NAPG: variants seen among roughly 807,000 people sequenced by gnomAD.
NAPG encodes NSF attachment protein gamma.
A neutral mutation model predicts 48.4 loss-of-function variants in NAPG; 25 were observed. The ratio of observed to expected loss-of-function variants is 0.52; its 90% CI spans 0.38 to 0.72. The LOEUF is 0.72. NAPG is among the 30% of genes least tolerant of loss of function. The pLI is 0.00. For synonymous variants in NAPG, 139 were observed against 127.2 expected (o/e 1.09, Z -0.62); for missense variants, 359 against 372.5 (o/e 0.96, Z 0.30).
rs2032309757 is a variant in NAPG at position 10,548,285 on chromosome 18, C to T, written c.586-14C>T. The stretch of plus-strand genomic sequence containing the variant: ...CAGATGTAAATTTGACCATGATCCT[C>T]TCTTTTGTTTTAGAAAACAATTGCT... On this transcript the variant is annotated splice_polypyrimidine_tract_variant and intron_variant, in intron 9 of 11. Coordinates refer to ENST00000322897, the MANE Select transcript of NAPG (RefSeq NM_003826.3). This position sits in a 1 kb window ranked among gnomAD's most constrained non-coding sequence, Gnocchi z 4.4. The T allele has an allele frequency of 1.3e-6, 2 of 1,598,854 alleles. No individual in the cohort carries two copies. Among genetic ancestry groups the T allele is most frequent in the Non-Finnish European group, 8.6e-7 (1 of 1,166,442 alleles).
In NAPG at chr18:10,551,218, T is replaced by G. The variant is rs1385773376; in HGVS notation, c.*998T>G. 1 of 152,124 alleles carries G rather than the reference T, an allele frequency of 6.6e-6. No individual in the cohort carries two copies. The highest frequency in any genetic ancestry group is 1.5e-5 in the Non-Finnish European group (1 of 68,014). The allele number at this position is 152,124 out of a possible 1,614,324, so 9.4% of individuals were successfully genotyped here. A position where few individuals can be genotyped will look rare whatever the true frequency, so the allele number is the denominator to read the frequency against. On this transcript the variant is annotated 3_prime_UTR_variant, in exon 12 of 12. Transcript: ENST00000322897. ...TCCCAAAGTGCTGGGATTGTAGACATAAGCCACCTCACCCAGCCTATGAAT... is the reference window on the plus strand; with the variant it reads ...TCCCAAAGTGCTGGGATTGTAGACAGAAGCCACCTCACCCAGCCTATGAAT...
chr18:10,532,056 CAACCCTTG>C lies in NAPG; in HGVS notation c.125-653_125-646del, dbSNP rs369128579. On this transcript the variant is annotated intron_variant, in intron 2 of 11. Transcript: ENST00000322897. ...ATTATGCTTTTTGCTTCTTTGTAAGCAACCCTTGATAAGTTTTCCAAAATTTGTAAGAT... is the reference window on the plus strand; with the variant it reads ...ATTATGCTTTTTGCTTCTTTGTAAGCATAAGTTTTCCAAAATTTGTAAGAT... Among the ~76,000 whole-genome samples the C allele has an allele frequency of 2.6e-3, 399 of 152,236 alleles. 1 individual carries two copies. Among genetic ancestry groups the C allele is most frequent in the African/African-American group, 8.8e-3 (366 of 41,568 alleles).
At chr18:10,527,434 G>C (rs2031842328) in intron 1 of NAPG, among the ~76,000 whole-genome samples, 1 of 152,192 alleles carries the variant, frequency 6.6e-6, no homozygotes, top group Admixed American at 6.5e-5. Context: ...ACTCGAGGCA[G>C]TCAGCGTGTA....
Position 10,539,966 on chromosome 18 carries a change from C to T in NAPG, c.369-22C>T, listed in dbSNP as rs770888654. The T allele has an allele frequency of 2.6e-5, 42 of 1,606,460 alleles. No homozygotes were observed. Among genetic ancestry groups the T allele is most frequent in the Middle Eastern group, 1.7e-4 (1 of 6,038 alleles). On this transcript the variant is annotated intron_variant, in intron 6 of 11. Coordinates refer to ENST00000322897, the MANE Select transcript of NAPG (RefSeq NM_003826.3). This position sits in a 1 kb window ranked among gnomAD's most constrained non-coding sequence, Gnocchi z 4.7. Reference sequence around the variant, plus strand: ...CAAGTTTTCCATTTCTCATATAAGACATGTTTTCTTGTCTGATTCAGGCTT... The same window carrying T: ...CAAGTTTTCCATTTCTCATATAAGATATGTTTTCTTGTCTGATTCAGGCTT...
chr18:10,547,060 C>T (rs565058928), intron 9 of NAPG, among the ~76,000 whole-genome samples: 16 of 152,308 alleles, frequency 1.1e-4, no homozygotes, highest in Admixed American at 2.6e-4. Context: ...CCACACAAGT[C>T]TTGGGTTTAC....
rs377632744 is a variant in NAPG, at chr18:10,550,972, T to TTTTGTTTG, written c.*768_*775dup. ...AGGAGCTAATGGGTAATGAATACCT[T>TTTTGTTTG]TTTGTTTGTTTGTTTGTTTGTTTTG... On this transcript the variant is annotated 3_prime_UTR_variant, in exon 12 of 12. Transcript: ENST00000322897. The TTTTGTTTG allele has an allele frequency of 6.6e-6, 1 of 151,750 alleles. No individual in the cohort carries two copies. Among genetic ancestry groups the TTTTGTTTG allele is most frequent in the Non-Finnish European group, 1.5e-5 (1 of 67,990 alleles). The allele number at this position is 151,750 out of a possible 1,614,324, so 9.4% of individuals were successfully genotyped here.
Position 10,546,102 on chromosome 18 carries a change from CT to C in NAPG, c.507-220del. 6.6e-6 allele frequency among the ~76,000 whole-genome samples: 1 copy of C among 152,280 alleles called. No individual in the cohort carries two copies. The highest frequency in any genetic ancestry group is 2.4e-5 in the African/African-American group (1 of 41,558). ...GTTTGACCTAACCCATCCTTGAGTT[CT>C]TTTGCTTTTTCTGTCAGCGTGCAGC... On this transcript the variant is annotated intron_variant, in intron 8 of 11. Transcript: ENST00000322897. The surrounding 1 kb of genome is among the most constrained non-coding windows in gnomAD (Gnocchi z 4.0).
intron 2 of NAPG, 60 bp from the exon 3 acceptor site, chr18:10,532,651 A>C (rs2031950911): frequency 7.8e-7 from 1 of 1,289,824 alleles, no homozygotes; most frequent in East Asian, 2.5e-5. Context: ...TGCAGATTTC[A>C]GTAATGATTC....
chr18:10,546,393 A>G lies in NAPG; in HGVS notation c.574A>G (p.Thr192Ala), dbSNP rs911177317. The G allele has an allele frequency of 1.9e-6, 3 of 1,542,068 alleles. No individual in the cohort carries two copies. Among genetic ancestry groups the G allele is most frequent in the African/African-American group, 1.4e-5 (1 of 73,104 alleles). ...NIYKEIENYP[T>A]CYKKTIAQVL... ...TTATAAGGAAATTGAGAATTATCCA[A>G]CTTGTTATAAGGTATTCTTTGAAAG... Residue 192 changes from threonine (T) to alanine (A), a missense_variant, in exon 9 of 12, where the codon ACT becomes GCT. Coordinates refer to ENST00000322897, the MANE Select transcript of NAPG (RefSeq NM_003826.3). This position sits in a 1 kb window ranked among gnomAD's most constrained non-coding sequence, Gnocchi z 4.0.
intron 8 of NAPG, among the ~76,000 whole-genome samples, chr18:10,541,482 T>TA (rs533524693): frequency 3.1e-4 from 47 of 152,330 alleles, no homozygotes; most frequent in African/African-American, 1.1e-3. Flanking sequence ...AAGTGTTTGT[T>TA]ACAGCAGCAG....
rs2032264412 is a variant in NAPG at position 10,546,313 on chromosome 18, T to G, written c.507-13T>G. ...TAGACCTGCTTTTTTTACATTTCTG[T>G]GTTTTGTTTTAGGTTTGATGAGGCG... On this transcript the variant is annotated splice_polypyrimidine_tract_variant and intron_variant, in intron 8 of 11. Transcript: ENST00000322897. The surrounding 1 kb of genome is among the most constrained non-coding windows in gnomAD (Gnocchi z 4.0). The G allele has an allele frequency of 1.3e-6, 2 of 1,534,966 alleles. No individual in the cohort carries two copies. Among genetic ancestry groups the G allele is most frequent in the Non-Finnish European group, 1.8e-6 (2 of 1,128,290 alleles).
intron 8 of NAPG, among the ~76,000 whole-genome samples, chr18:10,545,454 T>C (rs1206440447): frequency 1.3e-5 from 2 of 152,284 alleles, no homozygotes; most frequent in Non-Finnish European, 2.9e-5. Flanking sequence ...CTGTTGGTTG[T>C]GTGTATTCCC....
intron 1 of NAPG, among the ~76,000 whole-genome samples, chr18:10,529,032 A>T (rs1270328886): frequency 1.3e-5 from 2 of 152,246 alleles, no homozygotes. Context: ...GAAAAAGGTC[A>T]AAAGGACTAA....
chr18:10,528,266 C>T (rs1044921467), intron 1 of NAPG, among the ~76,000 whole-genome samples: 4 of 152,104 alleles, frequency 2.6e-5, no homozygotes, highest in African/African-American at 4.8e-5. Context: ...ATTCAGTAAA[C>T]GAACATTTAC....
Position 10,550,084 on chromosome 18 carries a change from A to T in NAPG, c.803A>T (p.Lys268Met). The T allele has an allele frequency of 6.4e-7, 1 of 1,562,734 alleles. No individual in the cohort carries two copies. Among genetic ancestry groups the T allele is most frequent in the Non-Finnish European group, 8.6e-7 (1 of 1,160,764 alleles). The stretch of plus-strand genomic sequence containing the variant: ...ATGTTCTGTTGTTGACAGTATGCTA[A>T]GCTGGGCCTGAGTTTGGTGGTTCCA... ...LFKYMDNDYA[K>M]LGLSLVVPGG... Residue 268 changes from lysine to methionine, a missense_variant, in exon 12 of 12, where the codon AAG becomes ATG. By Grantham distance (95) the Lys-to-Met change is moderately conservative. Transcript: ENST00000322897.
rs887756893 is a variant in NAPG at position 10,550,255 on chromosome 18, G to T, written c.*35G>T. The T allele has an allele frequency of 1.9e-6, 3 of 1,557,058 alleles. No individual in the cohort carries two copies. Among genetic ancestry groups the T allele is most frequent in the African/African-American group, 1.4e-5 (1 of 71,350 alleles). On this transcript the variant is annotated 3_prime_UTR_variant, in exon 12 of 12. Transcript: ENST00000322897. ...TGCTGAAAAGAAAAGGGAAACAAAG[G>T]TAAAATCCTGACATGCCATTTCAAG...
chr18:10,540,516 AG>A (rs1213969622), intron 8 of NAPG, 117 bp downstream of exon 8: 3 of 686,572 alleles, frequency 4.4e-6, no homozygotes, highest in South Asian at 1.8e-5. Flanking sequence ...TAGACACACC[AG>A]GCCACACAAT....
Position 10,534,940 on chromosome 18 carries a change from T to G in NAPG, c.258+444T>G, listed in dbSNP as rs942812678. On this transcript the variant is annotated intron_variant, in intron 5 of 11. Coordinates refer to ENST00000322897, the MANE Select transcript of NAPG (RefSeq NM_003826.3). The surrounding 1 kb of genome is among the most constrained non-coding windows in gnomAD (Gnocchi z 5.0). ...CCACAGATTTAAGCTTTTGCTACTTTAATTCATTCTGCATGGAATATTCCA... is the reference window on the plus strand; with the variant it reads ...CCACAGATTTAAGCTTTTGCTACTTGAATTCATTCTGCATGGAATATTCCA... Among the ~76,000 whole-genome samples the G allele has an allele frequency of 6.6e-6, 1 of 152,238 alleles. No individual in the cohort carries two copies. The highest frequency in any genetic ancestry group is 1.5e-5 in the Non-Finnish European group (1 of 68,040).
At chr18:10,530,188 CTTTTTTTTTTTTTTTT>C (rs58597079) in intron 1 of NAPG, among the ~76,000 whole-genome samples, 7 of 67,332 alleles carry the variant, frequency 1.0e-4, no homozygotes, top group African/African-American at 3.3e-4. Context: ...CGAGTTTTCA[CTTTTTTTTTTTTTTTT>C]TTTTTTTTTT....
Sources: gnomAD v4.1 joint callset for allele counts (sites outside exome capture counted in the v4.1 genomes callset) on GRCh38, gnomAD v4.1.1 for gene constraint, Gnocchi (gnomAD v3.1) non-coding constraint, MANE v1.5 for transcripts, NCBI Gene and HGNC (gene_info 2026-07-23, HGNC 2026-07-21) for gene names.